Variants in CMYA5 observed in about 807,000 individuals in gnomAD.
The protein encoded by CMYA5 is cardiomyopathy associated 5.
A neutral mutation model predicts 318.9 loss-of-function variants in CMYA5; 246 were observed. The ratio of observed to expected loss-of-function variants is 0.77; its 90% CI spans 0.70 to 0.86. CMYA5 has a LOEUF of 0.86. Ranked by LOEUF, CMYA5 falls within the 40% of genes least tolerant of loss-of-function variation. The pLI is 0.00. For missense variants in CMYA5, 4,589 were observed against 4,678.2 expected (o/e 0.98, Z 0.56); for synonymous variants, 1,641 against 1,729.5 (o/e 0.95, Z 1.27).
Position 79,690,010 on chromosome 5 carries a change from G to A in CMYA5, c.103G>A (p.Glu35Lys), listed in dbSNP as rs141830505. 3.0e-3 allele frequency: 4,503 copies of A among 1,484,580 alleles called. 82 individuals are homozygous for A. In the East Asian group the frequency reaches 0.055, roughly 18 times the overall value. The allele number at this position is 1,484,580 out of a possible 1,614,324, so 92.0% of individuals were successfully genotyped here. The change falls in exon 1 of 13, where the codon GAG becomes AAG. Residue 35 changes from glutamate (E) to lysine (K), a missense_variant. Transcript: ENST00000446378. ...ELETEEESEG[E>K]EDETAAESEE... ...GGAGACCGAGGAGGAGTCGGAGGGC[G>A]AGGAGGACGAGACGGCGGCGGAGTC... is the stretch of plus-strand genomic sequence containing the variant.
At chr5:79,690,674 C>T (rs1477621496) in intron 1 of CMYA5, among the ~76,000 whole-genome samples, 5 of 152,172 alleles carry the variant, frequency 3.3e-5, no homozygotes, top group Non-Finnish European at 7.3e-5. Context: ...ATCTCCCACC[C>T]TCCGTCCCTT....
chr5:79,723,995 A>T (rs547516310), intron 1 of CMYA5, among the ~76,000 whole-genome samples: 2 of 152,208 alleles, frequency 1.3e-5, no homozygotes, highest in South Asian at 4.1e-4. Flanking sequence ...TAGAAAAGAA[A>T]ATATGATCAT....
At chr5:79,789,133 A>G (rs764623422) in intron 10 of CMYA5, 29 bp downstream of exon 10, 1 of 1,611,040 alleles carries the variant, frequency 6.2e-7, no homozygotes, top group South Asian at 1.1e-5. Context: ...ACAGTGAGCT[A>G]TTTCCAAGCT....
intron 6 of CMYA5, among the ~76,000 whole-genome samples, chr5:79,758,241 A>G (rs970862761): frequency 2.6e-5 from 4 of 151,718 alleles, no homozygotes; most frequent in Non-Finnish European, 5.9e-5. Flanking sequence ...ACAGATTAAA[A>G]AAAAAAATTG....
In CMYA5 at chr5:79,734,546, G is replaced by A. The variant is rs1260813131; in HGVS notation, c.5781G>A (p.Gly1927=). The A allele has an allele frequency of 5.6e-6, 9 of 1,613,684 alleles. No individual in the cohort carries two copies. The highest frequency in any genetic ancestry group is 7.6e-6 in the Non-Finnish European group (9 of 1,179,796). Residue 1927 remains glycine (G), a synonymous_variant, in exon 2 of 13, where the codon GGG becomes GGA. Coordinates refer to ENST00000446378, the MANE Select transcript of CMYA5 (RefSeq NM_153610.5). ...DSSSSNELRP[G]QLKAAVSSKD... ...CTAGCAGCAATGAGCTGAGGCCAGG[G>A]CAGCTCAAGGCTGCTGTGTCCAGTA...
At chr5:79,786,854 A>G (rs1170967079) in intron 9 of CMYA5, among the ~76,000 whole-genome samples, 1 of 152,078 alleles carries the variant, frequency 6.6e-6, no homozygotes, top group East Asian at 1.9e-4. Flanking sequence ...ACACCACCAC[A>G]TTTCGTATTA....
chr5:79,717,400 G>T (rs1580756249), intron 1 of CMYA5, among the ~76,000 whole-genome samples: 1 of 152,174 alleles, frequency 6.6e-6, no homozygotes, highest in Non-Finnish European at 1.5e-5. Context: ...CAAATAACTT[G>T]AATGTAGGAT....
chr5:79,790,014 G>C (rs1190361664), intron 10 of CMYA5, among the ~76,000 whole-genome samples: 1 of 152,220 alleles, frequency 6.6e-6, no homozygotes, highest in Non-Finnish European at 1.5e-5. Flanking sequence ...AAGGAAGTGA[G>C]GAATGGAAAG....
chr5:79,747,196 G>T, intron 5 of CMYA5, 83 bp downstream of exon 5: 1 of 1,339,832 alleles, frequency 7.5e-7, no homozygotes. Flanking sequence ...TATGGAAAAT[G>T]AGCTGCCAAT....
rs72635621 is a variant in CMYA5, at chr5:79,746,241, C to G, written c.10968+786C>G. Among the ~76,000 whole-genome samples the G allele has an allele frequency of 0.011, 1,692 of 152,290 alleles. 77 individuals carry two copies. In the East Asian group the frequency reaches 0.15, roughly 14 times the overall value. ...CTGGGAACCTCCCTTTCAAAGTTCC[C>G]CATCCTCCTACCCTTTAGAAAACTT... On this transcript the variant is annotated intron_variant, in intron 4 of 12. Transcript: ENST00000446378.
At chr5:79,691,330 C>A (rs73123804) in intron 1 of CMYA5, among the ~76,000 whole-genome samples, 7,342 of 152,232 alleles carry the variant, frequency 0.048, 544 homozygotes, top group African/African-American at 0.16. Context: ...ATAACCTTTC[C>A]CTTACTGTTG....
At position 79,735,077 on chromosome 5, in the gene CMYA5, A is replaced by G. The variant is rs764349383; in HGVS notation, c.6312A>G (p.Glu2104=). ...TTCCTGAAGAGAAGCCATTGGAAGA[A>G]TCAAAAATGGTTCAGTCAAAGGTTA... ...PPFPEEKPLE[E]SKMVQSKVID... The change falls in exon 2 of 13, where the codon GAA becomes GAG. Residue 2104 remains glutamate, a synonymous_variant. Coordinates refer to ENST00000446378, the MANE Select transcript of CMYA5 (RefSeq NM_153610.5). 5 of 1,613,844 alleles carry G rather than the reference A, an allele frequency of 3.1e-6. No homozygotes were observed. In the East Asian group the frequency reaches 8.9e-5, roughly 29 times the overall value.
intron 1 of CMYA5, among the ~76,000 whole-genome samples, chr5:79,690,577 C>G (rs1469940210): frequency 1.3e-5 from 2 of 152,144 alleles, no homozygotes; most frequent in African/African-American, 4.8e-5. Flanking sequence ...CCCTGTTCTT[C>G]AAGTCCTGGT....
chr5:79,776,066 C>T (rs1828933719), intron 9 of CMYA5, among the ~76,000 whole-genome samples: 1 of 152,142 alleles, frequency 6.6e-6, no homozygotes, highest in Non-Finnish European at 1.5e-5. Context: ...TGTCAGGATT[C>T]AGCCCCCATG....
Position 79,734,434 on chromosome 5 carries a change from A to T in CMYA5, c.5669A>T (p.Lys1890Met). The T allele has an allele frequency of 6.2e-7, 1 of 1,613,758 alleles. No individual in the cohort carries two copies. The highest frequency in any genetic ancestry group is 8.5e-7 in the Non-Finnish European group (1 of 1,179,794). The change falls in exon 2 of 13, where the codon AAG becomes ATG. Residue 1890 changes from lysine to methionine, a missense_variant. Lys to Met is a moderately conservative substitution (Grantham distance 95). Around this residue, in one of 3 missense-constraint regions of CMYA5, gnomAD observed 26 missense variants for 51.8 expected, o/e 0.50. Coordinates refer to ENST00000446378, the MANE Select transcript of CMYA5 (RefSeq NM_153610.5). ...TKMEEFFISPKDENWMLGKPE... is the reference protein window; with the variant it reads ...TKMEEFFISPMDENWMLGKPE... ...ATGGAAGAATTCTTTATTTCTCCAA[A>T]GGATGAAAACTGGATGTTGGGAAAG...
intron 8 of CMYA5, chr5:79,762,169 T>A (rs1375158262): frequency 2.0e-6 from 1 of 502,108 alleles, no homozygotes; most frequent in East Asian, 3.0e-5. Flanking sequence ...TCATAGAAAA[T>A]GTGTGGTAAG....
chr5:79,691,244 G>T (rs1222384296), intron 1 of CMYA5, among the ~76,000 whole-genome samples: 1 of 152,198 alleles, frequency 6.6e-6, no homozygotes, highest in Non-Finnish European at 1.5e-5. Context: ...GGCACCTGTA[G>T]GAAGTGGATC....
At chr5:79,768,601 T>A (rs1255957415) in intron 9 of CMYA5, among the ~76,000 whole-genome samples, 3 of 152,186 alleles carry the variant, frequency 2.0e-5, no homozygotes, top group Non-Finnish European at 4.4e-5. Context: ...TTCTTTTCTT[T>A]AAGAATGTTG....
Position 79,730,058 on chromosome 5 carries a change from C to G in CMYA5, c.1293C>G (p.His431Gln), listed in dbSNP as rs1014706714. The G allele has an allele frequency of 6.2e-7, 1 of 1,613,806 alleles. No homozygotes were observed. Among genetic ancestry groups the G allele is most frequent in the Non-Finnish European group, 8.5e-7 (1 of 1,179,908 alleles). The change falls in exon 2 of 13, where the codon CAC becomes CAG. Residue 431 changes from histidine to glutamine, a missense_variant. Physicochemically the swap from His to Gln is conservative, Grantham distance 24. This residue lies in a region of CMYA5 where 2,132 missense variants were observed against 2,131.3 expected (regional missense o/e 1.00). Transcript: ENST00000446378. ...EVKKEDVYSA[H>Q]HSISLEAASP... ...AGAAGGAAGATGTGTATTCTGCTCACCATTCCATTTCTCTGGAGGCAGCGT... is the reference window on the plus strand; with the variant it reads ...AGAAGGAAGATGTGTATTCTGCTCAGCATTCCATTTCTCTGGAGGCAGCGT...
Sources: gnomAD v4.1 joint callset for allele counts (sites outside exome capture counted in the v4.1 genomes callset) on GRCh38, gnomAD v4.1.1 for gene constraint, gnomAD v4.1.1 regional missense constraint, MANE v1.5 for transcripts, NCBI Gene and HGNC (gene_info 2026-07-23, HGNC 2026-07-21) for gene names.